SGO2: variants seen among roughly 807,000 people sequenced by gnomAD.
SGO2 encodes shugoshin 2.
In SGO2, 68 loss-of-function variants were observed where a neutral mutation model predicts 99.5. That is an observed-to-expected ratio of 0.68 (90% CI 0.56 to 0.84). The LOEUF (loss-of-function observed/expected upper bound fraction) is 0.84, where lower values mean the gene tolerates loss of function less well. Among genes scored for constraint, SGO2 ranks in the 40% least tolerant of loss-of-function variants. The probability of loss-of-function intolerance (pLI) is 0.00; values close to 1 mark genes in which losing one functional copy is unlikely to be tolerated. For synonymous variants in SGO2, 457 were observed against 487.1 expected, an observed-to-expected ratio of 0.94 and a Z score of 0.81; for missense variants, 1,350 against 1,436.7, an observed-to-expected ratio of 0.94 and a Z score of 0.97.
chr2:200,549,835 C>T (rs1020307294), intron 5 of SGO2, among the ~76,000 whole-genome samples: 5 of 152,154 alleles, frequency 3.3e-5, no homozygotes, highest in Non-Finnish European at 5.9e-5. Flanking sequence ...TGCCCACTTT[C>T]ACTGCTATTC....
intron 4 of SGO2, among the ~76,000 whole-genome samples, chr2:200,540,719 G>T (rs1333276360): frequency 6.6e-6 from 1 of 152,184 alleles, no homozygotes; most frequent in Non-Finnish European, 1.5e-5. Flanking sequence ...TGTGTATTAT[G>T]ATGTTTTTAC....
At chr2:200,582,028 A>G (rs1013331854) in intron 8 of SGO2, among the ~76,000 whole-genome samples, 2 of 152,152 alleles carry the variant, frequency 1.3e-5, no homozygotes, top group Admixed American at 6.5e-5. Flanking sequence ...ATTTCATCTA[A>G]AAACCACATT....
rs370087085 is a variant in SGO2 at position 200,571,615 on chromosome 2, C to T, written c.1269C>T (p.Val423=). Residue 423 remains valine (V), a synonymous_variant, in exon 7 of 9, where the codon GTC becomes GTT. Transcript: ENST00000357799. The part of the protein sequence containing the change: ...SKRQFKNSSD[V]DIGEKIENRT... ...GACAGTTTAAAAATAGTTCAGATGT[C>T]GATATTGGGGAAAAGATTGAAAACA... is the stretch of plus-strand genomic sequence containing the variant. The T allele has an allele frequency of 6.1e-5, 98 of 1,612,360 alleles. No homozygotes were observed. The African/African-American group carries it at 7.6e-4, about 13-fold the overall frequency.
chr2:200,560,898 A>C (rs909999792), intron 5 of SGO2, among the ~76,000 whole-genome samples: 7 of 152,308 alleles, frequency 4.6e-5, no homozygotes, highest in African/African-American at 1.7e-4. Flanking sequence ...TTATGAATTT[A>C]ATTTTTAAAA....
intron 5 of SGO2, among the ~76,000 whole-genome samples, chr2:200,552,845 C>A (rs1049433943): frequency 6.6e-6 from 1 of 152,098 alleles, no homozygotes; most frequent in African/African-American, 2.4e-5. Flanking sequence ...CTAAGAATGC[C>A]TTAACATCCT....
chr2:200,581,155 C>T (rs2033830257), intron 8 of SGO2, among the ~76,000 whole-genome samples: 1 of 152,078 alleles, frequency 6.6e-6, no homozygotes. Context: ...GCATTTATAA[C>T]TGTGCTGTGA....
At chr2:200,561,263 C>T (rs2032949120) in intron 5 of SGO2, among the ~76,000 whole-genome samples, 1 of 152,108 alleles carries the variant, frequency 6.6e-6, no homozygotes, top group African/African-American at 2.4e-5. Context: ...TCTCATTGTT[C>T]AATTCCCACC....
intron 5 of SGO2, among the ~76,000 whole-genome samples, chr2:200,568,146 T>C (rs912318485): frequency 1.3e-5 from 2 of 152,232 alleles, no homozygotes; most frequent in Non-Finnish European, 2.9e-5. Flanking sequence ...TTCTTGTGAG[T>C]ATAGCCATCT....
At chr2:200,576,744 T>C (rs1474169257) in intron 8 of SGO2, among the ~76,000 whole-genome samples, 1 of 152,246 alleles carries the variant, frequency 6.6e-6, no homozygotes. Flanking sequence ...ATCAACTTCT[T>C]GTCTCTCTAG....
chr2:200,528,804 G>A (rs1457006694), intron 1 of SGO2, among the ~76,000 whole-genome samples: 2 of 152,176 alleles, frequency 1.3e-5, no homozygotes, highest in African/African-American at 4.8e-5. Context: ...GGGAGATGAA[G>A]AATAACCAGC....
intron 5 of SGO2, among the ~76,000 whole-genome samples, chr2:200,564,689 G>T (rs1380120693): frequency 6.6e-6 from 1 of 152,124 alleles, no homozygotes; most frequent in African/African-American, 2.4e-5. Context: ...TTATTGTGTG[G>T]GAGTCTAAGT....
At chr2:200,540,123 T>C (rs1177683019) in intron 4 of SGO2, among the ~76,000 whole-genome samples, 1 of 152,254 alleles carries the variant, frequency 6.6e-6, no homozygotes, top group Non-Finnish European at 1.5e-5. Flanking sequence ...AGCATGTTAG[T>C]AATTGCTTGT....
Position 200,573,180 on chromosome 2 carries a change from T to TA in SGO2, c.2837dup (p.Asn946LysfsTer2), listed in dbSNP as rs2033518985. On this transcript the variant is annotated frameshift_variant, in exon 7 of 9. Transcript: ENST00000357799. LOFTEE classifies it high-confidence loss of function. ...TATACAAAAGATCTTGATTTTAAAG[T>TA]AAATAAATCTAAACAAAAACTTGAA... 1 of 1,579,498 alleles carries TA rather than the reference T, an allele frequency of 6.3e-7. No individual in the cohort carries two copies. Among genetic ancestry groups the TA allele is most frequent in the Admixed American group, 2.0e-5 (1 of 50,014 alleles).
intron 5 of SGO2, among the ~76,000 whole-genome samples, chr2:200,560,740 T>C (rs1021425892): frequency 6.6e-6 from 1 of 152,198 alleles, no homozygotes; most frequent in East Asian, 1.9e-4. Context: ...CAAAAACCAT[T>C]GATGGGTTTT....
intron 1 of SGO2, chr2:200,532,366 C>A: frequency 1.0e-6 from 1 of 973,910 alleles, no homozygotes; most frequent in Non-Finnish European, 1.2e-6. Flanking sequence ...GTTGGTCTTA[C>A]ATGGCTCAAC....
At chr2:200,583,017 A>G (rs1255540444) in intron 8 of SGO2, among the ~76,000 whole-genome samples, 2 of 152,194 alleles carry the variant, frequency 1.3e-5, no homozygotes, top group Admixed American at 6.5e-5. Context: ...AGAATTCAGG[A>G]TAGTGGTCCC....
intron 1 of SGO2, chr2:200,532,235 A>C: frequency 4.1e-6 from 1 of 241,772 alleles, no homozygotes; most frequent in Non-Finnish European, 6.3e-6. Flanking sequence ...GAGGCTGAGT[A>C]TTGAGGGTTA....
intron 2 of SGO2, among the ~76,000 whole-genome samples, chr2:200,534,083 G>A (rs1262509384): frequency 6.6e-6 from 1 of 151,996 alleles, no homozygotes; most frequent in African/African-American, 2.4e-5. Context: ...GTACTGTTTT[G>A]GACTCTGTTT....
intron 4 of SGO2, among the ~76,000 whole-genome samples, 157 bp downstream of exon 4, chr2:200,536,299 T>G (rs2031688562): frequency 6.6e-6 from 1 of 152,126 alleles, no homozygotes; most frequent in African/African-American, 2.4e-5. Flanking sequence ...ATATTATCAT[T>G]TTGTATAATT....
Sources: allele counts gnomAD v4.1 joint callset (sites outside exome capture counted in the v4.1 genomes callset), GRCh38; gene constraint gnomAD v4.1.1; transcripts MANE v1.5; gene names NCBI Gene and HGNC (gene_info 2026-07-23, HGNC 2026-07-21).